Variants in PNPLA4 observed in about 807,000 individuals in gnomAD.
The protein encoded by PNPLA4 is patatin like domain 4, phospholipase and triacylglycerol lipase.
A neutral mutation model predicts 18.3 loss-of-function variants in PNPLA4; 15 were observed. The observed-to-expected ratio is 0.82, with a 90% CI of 0.55 to 1.26. PNPLA4 has a LOEUF of 1.26. Among genes scored for constraint, PNPLA4 ranks in the 50% most tolerant of loss-of-function variants. The probability of loss-of-function intolerance (pLI) is 0.00; values close to 1 mark genes in which losing one functional copy is unlikely to be tolerated. For synonymous variants in PNPLA4, 88 were observed against 85.6 expected, an observed-to-expected ratio of 1.03 and a Z score of -0.16; for missense variants, 229 against 196.8, an observed-to-expected ratio of 1.16 and a Z score of -0.98.
In PNPLA4 at chrX:7,925,268, G is replaced by C. The variant is rs374678062; in HGVS notation, c.180+672C>G. On this transcript the variant is annotated intron_variant, in intron 2 of 6. Coordinates refer to ENST00000381042, the MANE Select transcript of PNPLA4 (RefSeq NM_004650.3). Reference sequence around the variant, plus strand: ...GGTGTTAAATTGTTATTTCATTATTGTTCAAAGCTGCTAGAGTACGTAATG... The same window carrying C: ...GGTGTTAAATTGTTATTTCATTATTCTTCAAAGCTGCTAGAGTACGTAATG... Among the ~76,000 whole-genome samples the C allele has an allele frequency of 4.5e-5, 5 of 112,153 alleles. No homozygotes were observed. The East Asian group carries it at 1.1e-3, about 25-fold the overall frequency.
At chrX:7,922,979 C>CA (rs765596504) in intron 2 of PNPLA4, among the ~76,000 whole-genome samples, 6 of 111,812 alleles carry the variant, frequency 5.4e-5, no homozygotes, top group African/African-American at 1.9e-4. Context: ...TCATTTAGTG[C>CA]AAAAAATAAA....
rs1256203372 is a variant in PNPLA4, at chrX:7,910,541, TGATATATGCTAAATAGATACTTTATTA to T, written c.477+1460_477+1486del. Among the ~76,000 whole-genome samples the T allele has an allele frequency of 4.5e-5, 5 of 110,260 alleles. No homozygotes were observed. In the Admixed American group the frequency reaches 4.9e-4, roughly 11 times the overall value. ...TCATCCTGAATATATGCTTGATCTC[TGATATATGCTAAATAGATACTTTATTA>T]GATATATGCTAAATACTTTTATTAT... On this transcript the variant is annotated intron_variant, in intron 5 of 6. Transcript: ENST00000381042.
In PNPLA4 at chrX:7,921,459, G is replaced by T. The variant is rs1427104172; in HGVS notation, c.411+254C>A. Among the ~76,000 whole-genome samples the T allele has an allele frequency of 5.4e-5, 6 of 111,686 alleles. 1 individual carries two copies. The Admixed American group carries it at 5.7e-4, about 11-fold the overall frequency. Reference sequence around the variant, plus strand: ...CAGCGACTTGCTTCACATAATCAACGTGAGATCTGAACATTGCAGGAAAAC... The same window carrying T: ...CAGCGACTTGCTTCACATAATCAACTTGAGATCTGAACATTGCAGGAAAAC... On this transcript the variant is annotated intron_variant, in intron 4 of 6. Coordinates refer to ENST00000381042, the MANE Select transcript of PNPLA4 (RefSeq NM_004650.3).
chrX:7,905,465 G>A (rs1232963325), intron 5 of PNPLA4, among the ~76,000 whole-genome samples: 1 of 111,921 alleles, frequency 8.9e-6, no homozygotes, highest in Non-Finnish European at 1.9e-5. Flanking sequence ...TGAGCATCTA[G>A]TGTGTGTCTG....
intron 4 of PNPLA4, among the ~76,000 whole-genome samples, chrX:7,918,969 T>A (rs1003637879): frequency 8.9e-6 from 1 of 112,296 alleles, no homozygotes; most frequent in Non-Finnish European, 1.9e-5. Context: ...GAACTATTCA[T>A]CCTTCCTTTT....
upstream of PNPLA4, chrX:7,927,450 A>G (rs1321118180): frequency 4.4e-5 from 5 of 113,512 alleles, no homozygotes; most frequent in African/African-American, 1.3e-4. Context: ...CCGCGCAGGT[A>G]TGTGACGTCA....
At chrX:7,914,261 G>T (rs1450047179) in intron 4 of PNPLA4, among the ~76,000 whole-genome samples, 2 of 111,908 alleles carry the variant, frequency 1.8e-5, no homozygotes, top group African/African-American at 6.5e-5. Context: ...GAGCAATCAT[G>T]TCTCTTTCAC....
rs1231235909 is a variant in PNPLA4 at position 7,903,501 on chromosome X, G to A, written c.478-1360C>T. 3.6e-5 allele frequency among the ~76,000 whole-genome samples: 4 copies of A among 110,091 alleles called. No individual in the cohort carries two copies. In the East Asian group the frequency reaches 1.1e-3, roughly 31 times the overall value. ...TTTTTAGTAGAGACGGGGTTTCACC[G>A]GGTTAGCCAGGATGGTCTCAATCTC... On this transcript the variant is annotated intron_variant, in intron 5 of 6. Transcript: ENST00000381042.
At chrX:7,908,718 C>T (rs1255019925) in intron 5 of PNPLA4, among the ~76,000 whole-genome samples, 2 of 111,989 alleles carry the variant, frequency 1.8e-5, no homozygotes, top group African/African-American at 6.5e-5. Flanking sequence ...AAACTGAATG[C>T]TTTCAGGAGA....
chrX:7,914,354 A>C (rs1027310491), intron 4 of PNPLA4, among the ~76,000 whole-genome samples: 1 of 111,858 alleles, frequency 8.9e-6, no homozygotes, highest in South Asian at 3.7e-4. Flanking sequence ...AGAGGACAGA[A>C]AGCAGGCATC....
intron 3 of PNPLA4, 25 bp downstream of exon 3, chrX:7,921,979 T>C: frequency 8.5e-7 from 1 of 1,176,585 alleles, no homozygotes; most frequent in Non-Finnish European, 1.2e-6. Flanking sequence ...TTCATGTACT[T>C]TTGGGCAAAA....
chrX:7,917,925 C>T (rs1408201760), intron 4 of PNPLA4, among the ~76,000 whole-genome samples: 2 of 112,207 alleles, frequency 1.8e-5, no homozygotes, highest in Non-Finnish European at 3.8e-5. Context: ...CAAACAGCAT[C>T]AGTCAGCTAG....
chrX:7,909,657 T>A (rs1170310773), intron 5 of PNPLA4, among the ~76,000 whole-genome samples: 2 of 111,276 alleles, frequency 1.8e-5, no homozygotes, highest in East Asian at 5.6e-4. Flanking sequence ...ACCTGGGTAT[T>A]TCCAGCTCAC....
At chrX:7,921,883 T>G (rs1174763566) in intron 3 of PNPLA4, 35 bp from the exon 4 acceptor site, 1 of 1,169,769 alleles carries the variant, frequency 8.5e-7, no homozygotes, top group East Asian at 3.0e-5. Context: ...TTACTCACCT[T>G]TAATTATTGA....
intron 5 of PNPLA4, among the ~76,000 whole-genome samples, chrX:7,904,944 C>T (rs1320683673): frequency 8.9e-6 from 1 of 111,976 alleles, no homozygotes; most frequent in East Asian, 2.8e-4. Context: ...CATAAAAATT[C>T]CAAGGCAAAA....
chrX:7,913,162 G>A (rs1008648243), intron 4 of PNPLA4, among the ~76,000 whole-genome samples: 6 of 111,931 alleles, frequency 5.4e-5, no homozygotes, highest in Non-Finnish European at 1.1e-4. Flanking sequence ...ACCAGGTACA[G>A]GGAACTTCCA....
In PNPLA4 at chrX:7,907,602, T is replaced by G. The variant is rs1601644819; in HGVS notation, c.477+4426A>C. ...GGACTAAACTTCAATTTATTTCCAT[T>G]CATTCACTGACAAATCTATTAATGA... is the stretch of plus-strand genomic sequence containing the variant. On this transcript the variant is annotated intron_variant, in intron 5 of 6. Coordinates refer to ENST00000381042, the MANE Select transcript of PNPLA4 (RefSeq NM_004650.3). Among the ~76,000 whole-genome samples the G allele has an allele frequency of 3.6e-5, 4 of 112,638 alleles. No homozygotes were observed. The Middle Eastern group carries it at 0.018, about 519-fold the overall frequency.
intron 4 of PNPLA4, among the ~76,000 whole-genome samples, chrX:7,920,168 C>T (rs981758492): frequency 2.7e-5 from 3 of 111,249 alleles, no homozygotes; most frequent in Non-Finnish European, 5.7e-5. Flanking sequence ...AGAGTTCTGT[C>T]ATTGTAGACA....
intron 2 of PNPLA4, among the ~76,000 whole-genome samples, chrX:7,922,442 T>C (rs1924260304): frequency 8.9e-6 from 1 of 112,590 alleles, no homozygotes; most frequent in South Asian, 3.7e-4. Flanking sequence ...CACCCCTATT[T>C]TGTGGTCTCA....
Sources: allele counts gnomAD v4.1 joint callset (sites outside exome capture counted in the v4.1 genomes callset), GRCh38; gene constraint gnomAD v4.1.1; transcripts MANE v1.5; gene names NCBI Gene and HGNC (gene_info 2026-07-23, HGNC 2026-07-21).